Variants in C13orf46 observed in about 807,000 individuals in gnomAD.
C13orf46 encodes the protein uncharacterized protein C13orf46.
At chr13:113,965,696 C>G (rs2052629638) in intron 5 of C13orf46, among the ~76,000 whole-genome samples, 2 of 143,096 alleles carry the variant, frequency 1.4e-5, no homozygotes, top group Non-Finnish European at 3.0e-5. Context: ...ATGATGGTGA[C>G]AATGGTGATG....
chr13:113,938,542 C>T, the C13orf46 span, among the ~76,000 whole-genome samples: 1 of 152,216 alleles, frequency 6.6e-6, no homozygotes. Flanking sequence ...GCAGCCTCTC[C>T]ATCCTCCCTA....
At chr13:113,943,330 G>A in the C13orf46 span, among the ~76,000 whole-genome samples, 4,133 of 152,258 alleles carry the variant, frequency 0.027, 80 homozygotes, top group Middle Eastern at 0.082. Flanking sequence ...ATGCTGGTTC[G>A]GCTCAGAAAG....
intron 5 of C13orf46, among the ~76,000 whole-genome samples, chr13:113,965,627 T>C (rs1360860452): frequency 6.6e-6 from 1 of 152,036 alleles, no homozygotes; most frequent in African/African-American, 2.4e-5. Flanking sequence ...ATGGTGGTGA[T>C]GATGACAGTG....
chr13:113,926,998 G>A, the C13orf46 span: 2 of 152,226 alleles, frequency 1.3e-5, no homozygotes, highest in Admixed American at 1.3e-4. Flanking sequence ...GTCCCACTTT[G>A]TACCCTCTCC....
chr13:113,944,086 G>A, the C13orf46 span, among the ~76,000 whole-genome samples: 1 of 152,220 alleles, frequency 6.6e-6, no homozygotes, highest in African/African-American at 2.4e-5. Flanking sequence ...CAGTCACCCC[G>A]GGATGGATCC....
intron 1 of C13orf46, among the ~76,000 whole-genome samples, chr13:113,971,501 G>A (rs1236868654): frequency 6.6e-6 from 1 of 152,256 alleles, no homozygotes; most frequent in East Asian, 1.9e-4. Flanking sequence ...GCTCAAGGCA[G>A]GGCCTCAGTG....
chr13:113,928,041 GTC>G, the C13orf46 span: 4 of 171,684 alleles, frequency 2.3e-5, no homozygotes, highest in Non-Finnish European at 4.9e-5. Context: ...AAAGCATCGC[GTC>G]CTCCAGATGT....
chr13:113,960,427 T>A (rs1311766335), intron 6 of C13orf46, among the ~76,000 whole-genome samples: 19,108 of 152,156 alleles, frequency 0.13, 1,644 homozygotes, highest in Middle Eastern at 0.2. Context: ...CAGGTCTACA[T>A]CTCAGAAACT....
intron 6 of C13orf46, among the ~76,000 whole-genome samples, chr13:113,962,922 G>C (rs1334298438): frequency 6.6e-6 from 1 of 152,210 alleles, no homozygotes; most frequent in Non-Finnish European, 1.5e-5. Flanking sequence ...GGTGTGACCT[G>C]GTTACGGTAG....
At chr13:113,949,112 T>TA (rs1477275246), downstream of C13orf46, among the ~76,000 whole-genome samples, 1 of 152,206 alleles carries the variant, frequency 6.6e-6, no homozygotes, top group Non-Finnish European at 1.5e-5. Flanking sequence ...TAATCAATCA[T>TA]ACCTGTGTAA....
intron 2 of C13orf46, 76 bp downstream of exon 2, chr13:113,970,095 C>T (rs2052688282): frequency 6.6e-6 from 1 of 152,370 alleles, no homozygotes; most frequent in African/African-American, 2.4e-5. Flanking sequence ...CACTCCCACA[C>T]CCCACCCTCT....
chr13:113,932,956 C>T, the C13orf46 span, among the ~76,000 whole-genome samples: 1 of 152,120 alleles, frequency 6.6e-6, no homozygotes, highest in Non-Finnish European at 1.5e-5. Flanking sequence ...CCTCCACTTC[C>T]CAGGTTCAAT....
intron 1 of C13orf46, among the ~76,000 whole-genome samples, chr13:113,973,085 C>T (rs1214362235): frequency 1.3e-5 from 2 of 152,220 alleles, no homozygotes; most frequent in Non-Finnish European, 1.5e-5. Flanking sequence ...ATCTTGGGCC[C>T]TGAATCACTG....
intron 2 of C13orf46, among the ~76,000 whole-genome samples, chr13:113,969,913 G>A (rs955642097): frequency 6.6e-6 from 1 of 152,156 alleles, no homozygotes; most frequent in East Asian, 1.9e-4. Flanking sequence ...TCAGGCCAGG[G>A]CCCGAGTCCT....
chr13:113,969,656 T>G (rs1014921685), intron 2 of C13orf46, among the ~76,000 whole-genome samples: 18 of 152,228 alleles, frequency 1.2e-4, no homozygotes, highest in African/African-American at 4.3e-4. Flanking sequence ...TTAAGTCTTC[T>G]TTGATGGCAG....
At chr13:113,961,262 T>C (rs2052584074) in intron 6 of C13orf46, among the ~76,000 whole-genome samples, 1 of 152,112 alleles carries the variant, frequency 6.6e-6, no homozygotes, top group African/African-American at 2.4e-5. Flanking sequence ...AGCATGTTAT[T>C]GATATAAATG....
downstream of C13orf46, among the ~76,000 whole-genome samples, chr13:113,949,191 C>G (rs1415785134): frequency 6.6e-6 from 1 of 152,260 alleles, no homozygotes; most frequent in Non-Finnish European, 1.5e-5. Context: ...CCCCACGGTG[C>G]TCAGAGATCA....
chr13:113,964,461 C>T (rs1335684434), intron 6 of C13orf46, among the ~76,000 whole-genome samples: 5 of 152,116 alleles, frequency 3.3e-5, no homozygotes, highest in Admixed American at 2.0e-4. Flanking sequence ...CCCCAGGGCC[C>T]GAGGCTTGTT....
chr13:113,939,444 C>T, the C13orf46 span, among the ~76,000 whole-genome samples: 6 of 152,034 alleles, frequency 3.9e-5, no homozygotes, highest in Admixed American at 3.9e-4. Flanking sequence ...ACGGGGATCA[C>T]CCAACTGGGA....
Sources: allele counts gnomAD v4.1 joint callset (sites outside exome capture counted in the v4.1 genomes callset), GRCh38; gene constraint gnomAD v4.1.1; transcripts MANE v1.5; gene names NCBI Gene and HGNC (gene_info 2026-07-23, HGNC 2026-07-21).